PRKN: variants seen among roughly 807,000 people sequenced by gnomAD.
PRKN encodes the protein E3 ubiquitin-protein ligase parkin.
A neutral mutation model predicts 59.5 loss-of-function variants in PRKN; 56 were observed. The observed-to-expected ratio is 0.94, with a 90% CI of 0.76 to 1.18. The LOEUF is 1.18. Among genes scored for constraint, PRKN ranks in the 50% most tolerant of loss-of-function variants. The pLI is 0.00. For missense variants in PRKN, 657 were observed against 596.4 expected, an observed-to-expected ratio of 1.10 and a Z score of -1.06; for synonymous variants, 250 against 222.1, an observed-to-expected ratio of 1.13 and a Z score of -1.12.
chr6:161,980,867 C>G (rs1332596451), intron 5 of PRKN, among the ~76,000 whole-genome samples: 1 of 152,168 alleles, frequency 6.6e-6, no homozygotes, highest in Admixed American at 6.5e-5. Context: ...CCAAGTGTCA[C>G]CCTTTGTTAG....
At chr6:162,626,738 C>T (rs957984800) in intron 1 of PRKN, among the ~76,000 whole-genome samples, 9 of 150,408 alleles carry the variant, frequency 6.0e-5, no homozygotes, top group Admixed American at 2.0e-4. Flanking sequence ...TGCTTGAAAG[C>T]GGGAGGTGGA....
chr6:161,649,830 A>G (rs906254940), intron 7 of PRKN, among the ~76,000 whole-genome samples: 6 of 152,218 alleles, frequency 3.9e-5, no homozygotes, highest in Non-Finnish European at 7.3e-5. Context: ...GCTCAGGCAG[A>G]ACACTGTGAG....
intron 2 of PRKN, among the ~76,000 whole-genome samples, chr6:162,292,025 G>A (rs958089810): frequency 1.3e-5 from 2 of 150,698 alleles, no homozygotes; most frequent in South Asian, 2.1e-4. Flanking sequence ...GTGCAATGGC[G>A]GGATCTCGCC....
At chr6:161,515,278 T>C (rs1208410027) in intron 9 of PRKN, among the ~76,000 whole-genome samples, 1 of 152,210 alleles carries the variant, frequency 6.6e-6, no homozygotes, top group Non-Finnish European at 1.5e-5. Flanking sequence ...GTTAGATAAT[T>C]TAAAATGAAA....
chr6:161,709,605 G>A (rs1044067021), intron 7 of PRKN, among the ~76,000 whole-genome samples: 1 of 152,156 alleles, frequency 6.6e-6, no homozygotes, highest in Non-Finnish European at 1.5e-5. Flanking sequence ...TATGTATTTA[G>A]TTTGGTTAAT....
intron 1 of PRKN, among the ~76,000 whole-genome samples, chr6:162,491,716 C>T (rs1476788483): frequency 6.6e-5 from 10 of 152,134 alleles, no homozygotes; most frequent in Admixed American, 6.5e-4. Context: ...GAGGCCCATT[C>T]GTCACAGCTC....
chr6:162,165,885 C>A (rs2128318111), intron 4 of PRKN, among the ~76,000 whole-genome samples: 1 of 151,840 alleles, frequency 6.6e-6, no homozygotes. Flanking sequence ...CCCTTCTCTA[C>A]TAAAATACAA....
Position 161,569,401 on chromosome 6 carries a change from G to A in PRKN, c.887C>T (p.Ser296Phe). 3 of 1,613,906 alleles carry A rather than the reference G, an allele frequency of 1.9e-6. No individual in the cohort carries two copies. The highest frequency in any genetic ancestry group is 1.7e-6 in the Non-Finnish European group (2 of 1,179,800). The change falls in exon 8 of 12, where the codon TCC (serine) becomes TTC (phenylalanine). Residue 296 changes from serine (S) to phenylalanine (F), a missense_variant. Physicochemically the swap from Ser to Phe is radical, Grantham distance 155 (BLOSUM62 -2). Transcript: ENST00000366898. ...SLPCVAGCPNSLIKELHHFRI... is the reference protein window; with the variant it reads ...SLPCVAGCPNFLIKELHHFRI... Reference sequence around the variant, plus strand: ...GAAGTGATGGAGCTCTTTAATCAAGGAGTTGGGACAGCCAGCTGTTGGAAA... The same window carrying A: ...GAAGTGATGGAGCTCTTTAATCAAGAAGTTGGGACAGCCAGCTGTTGGAAA...
chr6:162,358,232 T>C (rs1784959583), intron 2 of PRKN, among the ~76,000 whole-genome samples: 1 of 152,190 alleles, frequency 6.6e-6, no homozygotes, highest in Non-Finnish European at 1.5e-5. Flanking sequence ...ATCCTAAAAT[T>C]ACAGACAAAA....
At chr6:162,109,752 T>A (rs775804480) in intron 4 of PRKN, among the ~76,000 whole-genome samples, 1 of 152,214 alleles carries the variant, frequency 6.6e-6, no homozygotes, top group Admixed American at 6.5e-5. Context: ...CTTTCCAACA[T>A]CCAATGAGCA....
intron 2 of PRKN, among the ~76,000 whole-genome samples, chr6:162,355,407 C>CTATCTATCTATCTATCTATA (rs1554304030): frequency 6.6e-6 from 1 of 151,182 alleles, no homozygotes; most frequent in African/African-American, 2.4e-5. Flanking sequence ...ATCTATCTAT[C>CTATCTATCTATCTATCTATA]TATATATATA....
intron 1 of PRKN, among the ~76,000 whole-genome samples, chr6:162,528,794 T>G (rs1423189318): frequency 1.4e-5 from 2 of 141,500 alleles, no homozygotes; most frequent in Non-Finnish European, 3.3e-5. Flanking sequence ...TGAGATCCTG[T>G]CTCTAATTAA....
intron 2 of PRKN, among the ~76,000 whole-genome samples, chr6:162,424,107 T>C (rs566375068): frequency 6.6e-6 from 1 of 152,032 alleles, no homozygotes; most frequent in African/African-American, 2.4e-5. Flanking sequence ...CCATGAAAGG[T>C]ACAAAAGAAA....
In PRKN at chr6:161,470,654, C is replaced by T. The variant is rs1351894771; in HGVS notation, c.1083+78200G>A. ...CACATGCTTGCCCTTCAGACTATGC[C>T]CCAGGCACCTGAGCCCCAGAATTCC... On this transcript the variant is annotated intron_variant, in intron 9 of 11. Transcript: ENST00000366898. This position sits in a 1 kb window ranked among gnomAD's most constrained non-coding sequence, Gnocchi z 5.1. Among the ~76,000 whole-genome samples the T allele has an allele frequency of 6.6e-6, 1 of 152,176 alleles. No homozygotes were observed. Among genetic ancestry groups the T allele is most frequent in the Non-Finnish European group, 1.5e-5 (1 of 68,046 alleles).
intron 2 of PRKN, among the ~76,000 whole-genome samples, chr6:162,285,202 A>ACTGGTC (rs1781125365): frequency 6.7e-6 from 1 of 150,374 alleles, no homozygotes; most frequent in Non-Finnish European, 1.5e-5. Flanking sequence ...ACAACATTTT[A>ACTGGTC]CTGGTCCCTC....
rs147776748 is a variant in PRKN, at chr6:162,018,701, T to C, written c.618+35390A>G. The stretch of plus-strand genomic sequence containing the variant: ...AGCTTTTTATAATAATCTCTAATTG[T>C]ATTTATATACTTAGGATGCTTTTTT... On this transcript the variant is annotated intron_variant, in intron 5 of 11. Transcript: ENST00000366898. Among the ~76,000 whole-genome samples, 1,180 of 152,330 alleles carry C rather than the reference T, an allele frequency of 7.7e-3. 20 individuals carry two copies. Among genetic ancestry groups the C allele is most frequent in the African/African-American group, 0.026 (1,087 of 41,568 alleles).
chr6:161,731,570 ATGTT>A (rs1283755274), intron 7 of PRKN, among the ~76,000 whole-genome samples: 7 of 152,338 alleles, frequency 4.6e-5, no homozygotes, highest in East Asian at 1.9e-4. Flanking sequence ...TGCATTTTGA[ATGTT>A]TGTTTATCTA....
intron 2 of PRKN, among the ~76,000 whole-genome samples, chr6:162,381,725 T>C (rs954521859): frequency 2.6e-5 from 4 of 152,224 alleles, no homozygotes; most frequent in African/African-American, 7.2e-5. Context: ...TACGCACTTT[T>C]TTCTGATTTT....
chr6:162,569,668 G>A (rs899759315), intron 1 of PRKN: 1 of 672,286 alleles, frequency 1.5e-6, no homozygotes, highest in African/African-American at 1.8e-5. Flanking sequence ...TGGTTGTGAA[G>A]AAGATCAAGA....
Sources: gnomAD v4.1 joint callset for allele counts (sites outside exome capture counted in the v4.1 genomes callset) on GRCh38, gnomAD v4.1.1 for gene constraint, Gnocchi (gnomAD v3.1) non-coding constraint, MANE v1.5 for transcripts, NCBI Gene and HGNC (gene_info 2026-07-23, HGNC 2026-07-21) for gene names.